Variants in DENND5B observed in about 807,000 individuals in gnomAD.
DENND5B encodes the protein DENN domain containing 5B.
Under a neutral mutation model 140.6 loss-of-function variants are expected in DENND5B, and 34 were observed. The ratio of observed to expected loss-of-function variants is 0.24; its 90% CI spans 0.18 to 0.32. DENND5B has a LOEUF of 0.32. Among genes scored for constraint, DENND5B ranks in the 10% least tolerant of loss-of-function variants. The probability of loss-of-function intolerance (pLI) is 1.00; values close to 1 mark genes in which losing one functional copy is unlikely to be tolerated. For missense variants in DENND5B, 1,142 were observed against 1,560.2 expected (o/e 0.73, Z 4.52); for synonymous variants, 551 against 562.1 (o/e 0.98, Z 0.28).
intron 1 of DENND5B, among the ~76,000 whole-genome samples, chr12:31,578,499 C>G (rs1950101646): frequency 6.6e-6 from 1 of 152,128 alleles, no homozygotes; most frequent in Non-Finnish European, 1.5e-5. Flanking sequence ...ATAGATTTCC[C>G]ATTATGTATG....
At chr12:31,521,459 C>T (rs1240172586) in intron 1 of DENND5B, among the ~76,000 whole-genome samples, 1 of 151,946 alleles carries the variant, frequency 6.6e-6, no homozygotes, top group African/African-American at 2.4e-5. Context: ...GGCTATTCTA[C>T]CAATACTTAT....
intron 5 of DENND5B, among the ~76,000 whole-genome samples, chr12:31,449,148 A>T (rs1343245621): frequency 6.6e-6 from 1 of 152,234 alleles, no homozygotes. Context: ...GGCAGAAGCC[A>T]GAAGGGGAAA....
intron 1 of DENND5B, among the ~76,000 whole-genome samples, chr12:31,538,118 C>T (rs1948565465): frequency 6.6e-6 from 1 of 152,132 alleles, no homozygotes; most frequent in Non-Finnish European, 1.5e-5. Flanking sequence ...AATCAATGAA[C>T]ATCAGACTTA....
intron 5 of DENND5B, among the ~76,000 whole-genome samples, chr12:31,448,982 A>G (rs1944394595): frequency 6.6e-6 from 1 of 152,232 alleles, no homozygotes; most frequent in Non-Finnish European, 1.5e-5. Flanking sequence ...AGTACATCGT[A>G]ATCAGTTCCT....
intron 3 of DENND5B, among the ~76,000 whole-genome samples, chr12:31,470,843 G>T (rs534121930): frequency 6.6e-5 from 10 of 152,312 alleles, no homozygotes; most frequent in African/African-American, 2.4e-4. Context: ...GGTTTGGGAA[G>T]AGGGACAATG....
intron 13 of DENND5B, among the ~76,000 whole-genome samples, chr12:31,411,619 A>G (rs1348056159): frequency 6.6e-6 from 1 of 152,170 alleles, no homozygotes; most frequent in African/African-American, 2.4e-5. Flanking sequence ...CTGGGATTAC[A>G]GGTGTGAGCC....
intron 3 of DENND5B, among the ~76,000 whole-genome samples, chr12:31,471,152 T>C (rs1450082224): frequency 1.3e-5 from 2 of 152,134 alleles, no homozygotes; most frequent in Non-Finnish European, 2.9e-5. Flanking sequence ...GCGTGACAAC[T>C]AGCCTCAAAG....
At chr12:31,518,725 G>A (rs1947769775) in intron 1 of DENND5B, among the ~76,000 whole-genome samples, 1 of 151,838 alleles carries the variant, frequency 6.6e-6, no homozygotes, top group Non-Finnish European at 1.5e-5. Context: ...CAAAAGCATA[G>A]CTAATTTTCT....
chr12:31,486,710 G>A (rs1448788832), intron 2 of DENND5B, among the ~76,000 whole-genome samples: 2 of 152,186 alleles, frequency 1.3e-5, no homozygotes, highest in Non-Finnish European at 2.9e-5. Flanking sequence ...GTCATGCAGC[G>A]ATAGATAATC....
chr12:31,453,703 A>T (rs1424374641), intron 4 of DENND5B, among the ~76,000 whole-genome samples: 2 of 152,172 alleles, frequency 1.3e-5, no homozygotes, highest in Admixed American at 1.3e-4. Flanking sequence ...GAAAATTCAC[A>T]CTGCTCTCTG....
At chr12:31,498,240 A>AAC (rs1375796997) in intron 1 of DENND5B, among the ~76,000 whole-genome samples, 1 of 152,178 alleles carries the variant, frequency 6.6e-6, no homozygotes, top group Non-Finnish European at 1.5e-5. Context: ...AACAAGACAT[A>AAC]ACCTATCATA....
intron 1 of DENND5B, among the ~76,000 whole-genome samples, chr12:31,553,466 G>T (rs1592037325): frequency 1.3e-5 from 2 of 152,152 alleles, no homozygotes; most frequent in African/African-American, 4.8e-5. Context: ...ATTTGTTGAG[G>T]AGTGCTTTAC....
intron 1 of DENND5B, among the ~76,000 whole-genome samples, chr12:31,571,090 G>A (rs1476875871): frequency 6.6e-6 from 1 of 151,320 alleles, no homozygotes; most frequent in African/African-American, 2.5e-5. Flanking sequence ...TACTATGGGA[G>A]ACAGGAAAGG....
chr12:31,419,354 C>G (rs958145314), intron 11 of DENND5B, among the ~76,000 whole-genome samples: 9 of 151,672 alleles, frequency 5.9e-5, no homozygotes, highest in African/African-American at 1.9e-4. Flanking sequence ...GAGGCAGAGG[C>G]AGGAGAATCT....
At chr12:31,484,080 C>T (rs2138598537) in intron 2 of DENND5B, among the ~76,000 whole-genome samples, 1 of 152,132 alleles carries the variant, frequency 6.6e-6, no homozygotes, top group Admixed American at 6.5e-5. Flanking sequence ...TCTCAAACTC[C>T]TGACCTCAAG....
At chr12:31,403,175 A>G (rs1941900651) in intron 14 of DENND5B, among the ~76,000 whole-genome samples, 1 of 152,206 alleles carries the variant, frequency 6.6e-6, no homozygotes, top group Admixed American at 6.5e-5. Context: ...TGCAAAAACC[A>G]CAAATAATAA....
chr12:31,550,909 G>A (rs1217941533), intron 1 of DENND5B, among the ~76,000 whole-genome samples: 1 of 151,998 alleles, frequency 6.6e-6, no homozygotes, highest in Non-Finnish European at 1.5e-5. Flanking sequence ...TTGTTGATGG[G>A]GTTGTTTTTT....
intron 15 of DENND5B, among the ~76,000 whole-genome samples, chr12:31,402,203 A>G (rs1357991293): frequency 6.6e-6 from 1 of 152,082 alleles, no homozygotes; most frequent in African/African-American, 2.4e-5. Flanking sequence ...ATTTATTTGA[A>G]TATTTCCTGC....
chr12:31,591,089 G>A lies in DENND5B; in HGVS notation c.-257C>T, dbSNP rs1316975113. ...GCGCGGGGGGAGTGTCGGCCTGAGAGGCCCTCGCAGCCGCAGCTGCGCTCG... is the reference window on the plus strand; with the variant it reads ...GCGCGGGGGGAGTGTCGGCCTGAGAAGCCCTCGCAGCCGCAGCTGCGCTCG... On this transcript the variant is annotated 5_prime_UTR_variant, in exon 1 of 21. Coordinates refer to ENST00000389082, the MANE Select transcript of DENND5B (RefSeq NM_144973.4). 1 of 162,344 alleles carries A rather than the reference G, an allele frequency of 6.2e-6. No individual in the cohort carries two copies. The highest frequency in any genetic ancestry group is 1.3e-5 in the Non-Finnish European group (1 of 78,828). 10.1% of individuals were successfully genotyped at this position (162,344 alleles called of 1,614,324 possible).
Sources: gnomAD v4.1 joint callset for allele counts (sites outside exome capture counted in the v4.1 genomes callset) on GRCh38, gnomAD v4.1.1 for gene constraint, MANE v1.5 for transcripts, NCBI Gene and HGNC (gene_info 2026-07-23, HGNC 2026-07-21) for gene names.